The following STAP1 variants were observed in gnomAD, a reference collection of about 807,000 sequenced individuals.
The protein encoded by STAP1 is signal-transducing adaptor protein 1.
Under a neutral mutation model 37.8 loss-of-function variants are expected in STAP1, and 30 were observed. The ratio of observed to expected loss-of-function variants is 0.79; its 90% CI spans 0.59 to 1.08. The LOEUF (loss-of-function observed/expected upper bound fraction) is 1.08, where lower values mean the gene tolerates loss of function less well. Ranked by LOEUF, STAP1 falls within the 50% of genes least tolerant of loss-of-function variation. STAP1 has a pLI of 0.00. For synonymous variants in STAP1, 130 were observed against 116.0 expected (o/e 1.12, Z -0.78); for missense variants, 357 against 349.4 (o/e 1.02, Z -0.17).
At chr4:67,577,929 G>A (rs975822295) in intron 4 of STAP1, among the ~76,000 whole-genome samples, 8 of 152,090 alleles carry the variant, frequency 5.3e-5, no homozygotes, top group Non-Finnish European at 1.0e-4. Context: ...GATTACAGGT[G>A]TGAGCCACTG....
At chr4:67,591,089 A>G in intron 7 of STAP1, 136 bp downstream of exon 7, 1 of 454,354 alleles carries the variant, frequency 2.2e-6, no homozygotes, top group Non-Finnish European at 3.8e-6. Flanking sequence ...ATTCAGGAAC[A>G]GGTGGTGAGG....
chr4:67,564,322 C>T (rs1047961541), intron 1 of STAP1, among the ~76,000 whole-genome samples: 7 of 152,086 alleles, frequency 4.6e-5, no homozygotes, highest in South Asian at 2.1e-4. Context: ...CAAGTATATA[C>T]GTTTGCTTAC....
chr4:67,560,563 T>C (rs935878069), intron 1 of STAP1, among the ~76,000 whole-genome samples: 2 of 152,228 alleles, frequency 1.3e-5, no homozygotes, highest in African/African-American at 4.8e-5. Flanking sequence ...GCAGAATGAA[T>C]ACCTATAGGC....
chr4:67,578,674 A>C (rs934692529), intron 4 of STAP1, among the ~76,000 whole-genome samples: 1 of 152,062 alleles, frequency 6.6e-6, no homozygotes, highest in African/African-American at 2.4e-5. Flanking sequence ...CTCTGGCAAA[A>C]ACTTTTTGCA....
At chr4:67,570,586 C>T (rs1176513658) in intron 1 of STAP1, among the ~76,000 whole-genome samples, 3 of 151,862 alleles carry the variant, frequency 2.0e-5, no homozygotes, top group African/African-American at 7.3e-5. Context: ...TGCTTGAGCC[C>T]AGGAGTTCAA....
chr4:67,605,713 C>G (rs1435008927), intron 8 of STAP1, among the ~76,000 whole-genome samples: 1 of 152,148 alleles, frequency 6.6e-6, no homozygotes, highest in Admixed American at 6.5e-5. Context: ...AAAAACTTAT[C>G]TTGACAAATA....
At chr4:67,577,092 CA>C (rs1216867066) in intron 3 of STAP1, 110 bp from the exon 4 acceptor site, 18 of 975,628 alleles carry the variant, frequency 1.8e-5, no homozygotes, top group East Asian at 1.3e-4. Flanking sequence ...AGTTCTAAGC[CA>C]AAAAAAGAAA....
At chr4:67,580,470 T>A (rs1444989628) in intron 4 of STAP1, among the ~76,000 whole-genome samples, 1 of 152,212 alleles carries the variant, frequency 6.6e-6, no homozygotes, top group East Asian at 1.9e-4. Context: ...AGTGAAGTTA[T>A]AATGTTTTCT....
At chr4:67,569,591 T>A (rs1182517935) in intron 1 of STAP1, among the ~76,000 whole-genome samples, 1 of 152,158 alleles carries the variant, frequency 6.6e-6, no homozygotes, top group Non-Finnish European at 1.5e-5. Context: ...AAGCTTTTTC[T>A]ATTTTTAAAA....
intron 2 of STAP1, among the ~76,000 whole-genome samples, chr4:67,573,924 T>C (rs1727661629): frequency 6.6e-6 from 1 of 152,098 alleles, no homozygotes; most frequent in South Asian, 2.1e-4. Context: ...AAAACCCTAC[T>C]ATACTTACTA....
chr4:67,566,190 T>A (rs1727466031), intron 1 of STAP1, among the ~76,000 whole-genome samples: 1 of 151,918 alleles, frequency 6.6e-6, no homozygotes, highest in Non-Finnish European at 1.5e-5. Flanking sequence ...TCAGGTGATC[T>A]TCCCGCCTCG....
At chr4:67,601,658 A>G (rs1361549472) in intron 8 of STAP1, among the ~76,000 whole-genome samples, 1 of 152,198 alleles carries the variant, frequency 6.6e-6, no homozygotes, top group Non-Finnish European at 1.5e-5. Flanking sequence ...CCGTCTGCAC[A>G]TTAAATATGT....
At chr4:67,581,907 G>A (rs967589308) in intron 5 of STAP1, among the ~76,000 whole-genome samples, 31 of 152,162 alleles carry the variant, frequency 2.0e-4, no homozygotes, top group African/African-American at 6.8e-4. Context: ...CTTTGACAAA[G>A]GCCTTGTGTA....
intron 6 of STAP1, among the ~76,000 whole-genome samples, chr4:67,589,926 T>G (rs1012687219): frequency 6.6e-6 from 1 of 152,018 alleles, no homozygotes; most frequent in Non-Finnish European, 1.5e-5. Flanking sequence ...ACCTAACACC[T>G]GAGTAGCTGG....
At chr4:67,565,786 A>G (rs1436473170) in intron 1 of STAP1, among the ~76,000 whole-genome samples, 1 of 152,158 alleles carries the variant, frequency 6.6e-6, no homozygotes, top group Non-Finnish European at 1.5e-5. Context: ...GGGAGACACA[A>G]TAATAATTAT....
intron 1 of STAP1, among the ~76,000 whole-genome samples, chr4:67,564,834 A>G (rs1469068390): frequency 1.3e-5 from 2 of 152,172 alleles, no homozygotes; most frequent in Admixed American, 6.5e-5. Context: ...AATGGCTTCA[A>G]CCTGGGAGGC....
Position 67,590,933 on chromosome 4 carries a change from A to G in STAP1, c.709A>G (p.Thr237Ala), listed in dbSNP as rs141115095. 5 of 1,612,172 alleles carry G rather than the reference A, an allele frequency of 3.1e-6. No individual in the cohort carries two copies. In the African/African-American group the frequency reaches 5.3e-5, roughly 17 times the overall value. The change falls in exon 7 of 9, where the codon ACT becomes GCT. Residue 237 changes from threonine to alanine, a missense_variant. Coordinates refer to ENST00000265404, the MANE Select transcript of STAP1 (RefSeq NM_012108.4). The part of the protein sequence containing the change: ...YKVMSVGQNY[T>A]IELEKPVTLP... ...AGTGATGAGCGTAGGACAAAACTACACTATTGAACTGGAAAAACCTGTAAG... is the reference window on the plus strand; with the variant it reads ...AGTGATGAGCGTAGGACAAAACTACGCTATTGAACTGGAAAAACCTGTAAG...
At chr4:67,601,024 T>C (rs1379690956) in intron 8 of STAP1, among the ~76,000 whole-genome samples, 1 of 152,182 alleles carries the variant, frequency 6.6e-6, no homozygotes, top group Non-Finnish European at 1.5e-5. Flanking sequence ...TGTTTTCTCA[T>C]TGTTTTGTGG....
chr4:67,574,231 A>G (rs1310378519), intron 2 of STAP1, among the ~76,000 whole-genome samples: 1 of 152,108 alleles, frequency 6.6e-6, no homozygotes, highest in African/African-American at 2.4e-5. Context: ...ATTCTCACAG[A>G]ATGCTTTCCT....
Sources: allele counts gnomAD v4.1 joint callset (sites outside exome capture counted in the v4.1 genomes callset), GRCh38; gene constraint gnomAD v4.1.1; transcripts MANE v1.5; gene names NCBI Gene and HGNC (gene_info 2026-07-23, HGNC 2026-07-21).